GALNS: variants seen among roughly 807,000 people sequenced by gnomAD.
GALNS encodes the protein galactosamine (N-acetyl)-6-sulfatase, also known as N-acetylgalactosamine-6-sulfatase.
In GALNS, 65 loss-of-function variants were observed where a neutral mutation model predicts 65.9. The observed-to-expected ratio is 0.99, with a 90% CI of 0.81 to 1.21. GALNS has a LOEUF of 1.21. Among genes scored for constraint, GALNS ranks in the 50% most tolerant of loss-of-function variants. GALNS has a pLI of 0.00. For missense variants in GALNS, 776 were observed against 700.7 expected, an observed-to-expected ratio of 1.11 and a Z score of -1.21; for synonymous variants, 346 against 288.9, an observed-to-expected ratio of 1.20 and a Z score of -2.00.
In GALNS at chr16:88,843,039, G is replaced by A. The variant is rs75552025; in HGVS notation, c.121-210C>T. 1.8e-3 allele frequency: 2,688 copies of A among 1,525,340 alleles called. 36 individuals are homozygous for A. In the African/African-American group the frequency reaches 0.032, roughly 18 times the overall value. The allele number at this position is 1,525,340 out of a possible 1,614,324, so 94.5% of individuals were successfully genotyped here. ...CCACGCCAGCCCAAACCTCAGCATC[G>A]CCTGCGTGCGTGCACGATGGGGCCG... On this transcript the variant is annotated intron_variant, in intron 1 of 13. Transcript: ENST00000268695.
chr16:88,835,954 C>A, intron 6 of GALNS, 105 bp from the exon 7 acceptor site: 1 of 1,551,210 alleles, frequency 6.4e-7, no homozygotes, highest in Non-Finnish European at 8.8e-7. Flanking sequence ...TGGTGCGGTC[C>A]CCGTCCCCAC....
At position 88,818,066 on chromosome 16, in the gene GALNS, G is replaced by A. The variant is rs749297663; in HGVS notation, c.1423C>T (p.His475Tyr). 1.9e-6 allele frequency: 3 copies of A among 1,576,378 alleles called. No individual in the cohort carries two copies. Among genetic ancestry groups the A allele is most frequent in the South Asian group, 1.2e-5 (1 of 86,544 alleles). The change falls in exon 13 of 14, where the codon CAC becomes TAC. Residue 475 changes from histidine to tyrosine, a missense_variant. Transcript: ENST00000268695. ...TGCGCGGGGACCAAGGCCTCCTGGT[G>A]CTGCTGGACGACCGAGGTGATCCTG... ...LSRITSVVQQ[H>Y]QEALVPAQPQ...
At chr16:88,837,003 C>T (rs1377621146) in intron 5 of GALNS, among the ~76,000 whole-genome samples, 1 of 152,244 alleles carries the variant, frequency 6.6e-6, no homozygotes, top group Non-Finnish European at 1.5e-5. Flanking sequence ...ACTCCCACAC[C>T]TCCACGGGGC....
intron 9 of GALNS, 118 bp from the exon 10 acceptor site, chr16:88,826,956 A>G: frequency 5.8e-6 from 7 of 1,206,546 alleles, no homozygotes; most frequent in East Asian, 2.6e-5. Context: ...ATATGCATAC[A>G]TGCTCACACG....
intron 12 of GALNS, among the ~76,000 whole-genome samples, chr16:88,822,347 T>A (rs1910315487): frequency 6.6e-6 from 1 of 152,068 alleles, no homozygotes; most frequent in African/African-American, 2.4e-5. Context: ...GATACATCAC[T>A]GGGGGCCAGG....
chr16:88,832,783 G>A (rs1035122321), intron 8 of GALNS, among the ~76,000 whole-genome samples: 3 of 152,254 alleles, frequency 2.0e-5, no homozygotes, highest in Non-Finnish European at 2.9e-5. Context: ...CGAAGGGGCC[G>A]GCTGCGGTGG....
At position 88,837,566 on chromosome 16, in the gene GALNS, G is replaced by C. The variant is rs918260090; in HGVS notation, c.566+56C>G. 3 of 1,581,104 alleles carry C rather than the reference G, an allele frequency of 1.9e-6. No individual in the cohort carries two copies. The African/African-American group carries it at 4.0e-5, about 21-fold the overall frequency. On this transcript the variant is annotated intron_variant, in intron 5 of 13. Coordinates refer to ENST00000268695, the MANE Select transcript of GALNS (RefSeq NM_000512.5). ...CACCAGTGCTAGAGGCGGGGGGCAG[G>C]CACGCCGGGCACAGCAGTTCAGGAC... is the stretch of plus-strand genomic sequence containing the variant.
Position 88,814,935 on chromosome 16 carries a change from G to T in GALNS, c.1483-410C>A, listed in dbSNP as rs1909474228. Reference sequence around the variant, plus strand: ...TTTGGTAGAGACAAGGGTTCCCCAAGTTGGCCAGGCTGGTCTCAAACTTCT... The same window carrying T: ...TTTGGTAGAGACAAGGGTTCCCCAATTTGGCCAGGCTGGTCTCAAACTTCT... On this transcript the variant is annotated intron_variant, in intron 13 of 13. Coordinates refer to ENST00000268695, the MANE Select transcript of GALNS (RefSeq NM_000512.5). 4.6e-6 allele frequency: 3 copies of T among 656,442 alleles called. No homozygotes were observed. The Admixed American group carries it at 1.9e-4, about 41-fold the overall frequency. 40.7% of individuals were successfully genotyped at this position (656,442 alleles called of 1,614,324 possible).
chr16:88,836,013 C>T (rs1912095676), intron 6 of GALNS, among the ~76,000 whole-genome samples, 164 bp from the exon 7 acceptor site: 3 of 151,094 alleles, frequency 2.0e-5, no homozygotes, highest in African/African-American at 4.9e-5. Flanking sequence ...ACGCGTCCCA[C>T]GGGGCGAGGA....
rs541571144 is a variant in GALNS, at chr16:88,835,950, G to A, written c.634-101C>T. Reference sequence around the variant, plus strand: ...ACGTCCCACGGGGCGAGGTTGGTGCGGTCCCCGTCCCCACGCGTCCCACGG... The same window carrying A: ...ACGTCCCACGGGGCGAGGTTGGTGCAGTCCCCGTCCCCACGCGTCCCACGG... On this transcript the variant is annotated intron_variant, in intron 6 of 13. Transcript: ENST00000268695. 135 of 1,561,450 alleles carry A rather than the reference G, an allele frequency of 8.6e-5. 1 individual carries two copies. In the South Asian group the frequency reaches 1.3e-3, roughly 14 times the overall value.
chr16:88,854,592 C>T (rs1048761028), intron 1 of GALNS, among the ~76,000 whole-genome samples: 8 of 152,204 alleles, frequency 5.3e-5, no homozygotes, highest in Admixed American at 2.0e-4. Context: ...GTGTGCTTGG[C>T]GCAGGGCTGA....
chr16:88,856,468 G>A lies in GALNS; in HGVS notation c.120+290C>T, dbSNP rs1304084195. 1.7e-5 allele frequency: 12 copies of A among 700,308 alleles called. No individual in the cohort carries two copies. The East Asian group carries it at 3.2e-4, about 19-fold the overall frequency. The allele number at this position is 700,308 out of a possible 1,614,324, so 43.4% of individuals were successfully genotyped here. A position where few individuals can be genotyped will look rare whatever the true frequency, so the allele number is the denominator to read the frequency against. ...CCACCCACCTGCCAGGGAGGACGCT[G>A]TCCCGGTCATGCAGCACAGTGGCAG... is the stretch of plus-strand genomic sequence containing the variant. On this transcript the variant is annotated intron_variant, in intron 1 of 13. Coordinates refer to ENST00000268695, the MANE Select transcript of GALNS (RefSeq NM_000512.5).
intron 1 of GALNS, 146 bp downstream of exon 1, chr16:88,856,612 C>A: frequency 1.8e-6 from 1 of 568,112 alleles, no homozygotes; most frequent in East Asian, 3.3e-5. Context: ...CTCCTCCCCG[C>A]GCGGGGCCTC....
chr16:88,818,173 C>T (rs374858508), intron 12 of GALNS, 49 bp from the exon 13 acceptor site: 5 of 1,447,368 alleles, frequency 3.5e-6, no homozygotes, highest in Admixed American at 1.9e-5. Flanking sequence ...CAGCGAAGGA[C>T]GGAGAGGGGC....
At chr16:88,835,385 C>A in intron 7 of GALNS, 33 bp from the exon 8 acceptor site, 2 of 1,612,556 alleles carry the variant, frequency 1.2e-6, no homozygotes, top group Non-Finnish European at 1.7e-6. Context: ...ATCTCCATAC[C>A]TGGAGGATGG....
chr16:88,819,902 C>A (rs990776758), intron 12 of GALNS, among the ~76,000 whole-genome samples: 4 of 152,156 alleles, frequency 2.6e-5, no homozygotes. Flanking sequence ...CCATGTTGGT[C>A]AGGCTGGTCT....
At chr16:88,825,032 T>TGGGGCTGGGGTGCCTGGGCGTCC (rs1910663802) in intron 10 of GALNS, among the ~76,000 whole-genome samples, 163 bp from the exon 11 acceptor site, 1 of 148,754 alleles carries the variant, frequency 6.7e-6, no homozygotes, top group Admixed American at 6.7e-5. Context: ...GCAAGGTGGC[T>TGGGGCTGGGGTGCCTGGGCGTCC]GGGGCTGGGG....
At chr16:88,821,713 C>A (rs1282671251) in intron 12 of GALNS, among the ~76,000 whole-genome samples, 1 of 152,194 alleles carries the variant, frequency 6.6e-6, no homozygotes, top group African/African-American at 2.4e-5. Context: ...CTGCTGCCTC[C>A]CACCGGCCCT....
chr16:88,843,384 C>A (rs1005780187), intron 1 of GALNS: 3 of 424,436 alleles, frequency 7.1e-6, no homozygotes, highest in Non-Finnish European at 1.3e-5. Context: ...TGCATACGAG[C>A]GTCCAGGGCA....
Sources: gnomAD v4.1 joint callset for allele counts (sites outside exome capture counted in the v4.1 genomes callset) on GRCh38, gnomAD v4.1.1 for gene constraint, MANE v1.5 for transcripts, NCBI Gene and HGNC (gene_info 2026-07-23, HGNC 2026-07-21) for gene names.